CNTN4: variants seen among roughly 807,000 people sequenced by gnomAD.
The protein encoded by CNTN4 is contactin-4.
CNTN4 carries 77 observed loss-of-function variants against 122.5 expected under a neutral mutation model. The ratio of observed to expected loss-of-function variants is 0.63; its 90% CI spans 0.52 to 0.76. The LOEUF is 0.76. Among genes scored for constraint, CNTN4 ranks in the 30% least tolerant of loss-of-function variants. The probability of loss-of-function intolerance (pLI) is 0.00; values close to 1 mark genes in which losing one functional copy is unlikely to be tolerated. For synonymous variants in CNTN4, 512 were observed against 447.0 expected (o/e 1.15, Z -1.83); for missense variants, 1,256 against 1,259.1 (o/e 1.00, Z 0.04).
At chr3:2,533,224 G>T (rs1171241646) in intron 3 of CNTN4, among the ~76,000 whole-genome samples, 1 of 151,290 alleles carries the variant, frequency 6.6e-6, no homozygotes, top group Non-Finnish European at 1.5e-5. Context: ...ATGTTGGTGT[G>T]CTGCACCCAT....
rs545677211 is a variant in CNTN4 at position 2,287,576 on chromosome 3, C to T, written c.-144-51602C>T. Among the ~76,000 whole-genome samples the T allele has an allele frequency of 2.7e-5, 4 of 148,952 alleles. No individual in the cohort carries two copies. In the East Asian group the frequency reaches 8.1e-4, roughly 30 times the overall value. ...TGTGATTGTGCCACTGCACTTTAGCCTGGATGACAGAGTGAGACCCTGTCT... is the reference window on the plus strand; with the variant it reads ...TGTGATTGTGCCACTGCACTTTAGCTTGGATGACAGAGTGAGACCCTGTCT... On this transcript the variant is annotated intron_variant, in intron 2 of 24. Coordinates refer to ENST00000418658, the MANE Select transcript of CNTN4 (RefSeq NM_175607.3).
At chr3:2,877,446 CA>C (rs1326724589) in intron 8 of CNTN4, among the ~76,000 whole-genome samples, 1 of 152,176 alleles carries the variant, frequency 6.6e-6, no homozygotes, top group East Asian at 1.9e-4. Flanking sequence ...TGAATTAAGA[CA>C]TTTTTACTTT....
intron 20 of CNTN4, among the ~76,000 whole-genome samples, chr3:3,041,447 C>T (rs570086408): frequency 1.3e-5 from 2 of 152,344 alleles, no homozygotes; most frequent in South Asian, 4.1e-4. Context: ...AGTCAGCTGA[C>T]TTGACTAAGA....
At chr3:2,120,406 T>TATATATATATATATATATA (rs1491534107) in intron 2 of CNTN4, among the ~76,000 whole-genome samples, 2 of 24,556 alleles carry the variant, frequency 8.1e-5, no homozygotes, top group African/African-American at 1.3e-4. Flanking sequence ...TATATATATA[T>TATATATATATATATATATA]TTTTTTTTTT....
chr3:2,958,318 T>C (rs182283824), intron 13 of CNTN4, among the ~76,000 whole-genome samples: 12 of 152,294 alleles, frequency 7.9e-5, no homozygotes, highest in East Asian at 5.8e-4. Flanking sequence ...TAGTTTCTCA[T>C]TAGTTCTTAT....
chr3:2,556,402 C>T (rs934700752), intron 3 of CNTN4, among the ~76,000 whole-genome samples: 3 of 152,158 alleles, frequency 2.0e-5, no homozygotes, highest in African/African-American at 4.8e-5. Flanking sequence ...AGTTATTTCA[C>T]GAAGTTATCC....
At chr3:2,145,006 A>G (rs1406233409) in intron 2 of CNTN4, among the ~76,000 whole-genome samples, 1 of 152,192 alleles carries the variant, frequency 6.6e-6, no homozygotes, top group Non-Finnish European at 1.5e-5. Flanking sequence ...TGCTGATGAA[A>G]ACAATTTTGG....
At chr3:2,697,146 G>A (rs914565593) in intron 4 of CNTN4, among the ~76,000 whole-genome samples, 1 of 152,148 alleles carries the variant, frequency 6.6e-6, no homozygotes, top group African/African-American at 2.4e-5. Context: ...AATACAACAA[G>A]CTATTAAGAA....
chr3:2,396,381 G>A (rs747803707), intron 3 of CNTN4, among the ~76,000 whole-genome samples: 45 of 152,128 alleles, frequency 3.0e-4, no homozygotes, highest in Non-Finnish European at 5.4e-4. Context: ...GACCTATAAT[G>A]TCTTCTCAGA....
At chr3:2,400,407 A>ATATATATATATATATG (rs2046799614) in intron 3 of CNTN4, among the ~76,000 whole-genome samples, 1 of 56,046 alleles carries the variant, frequency 1.8e-5, no homozygotes, top group Non-Finnish European at 4.2e-5. Flanking sequence ...GTGTGTGAAT[A>ATATATATATATATATG]TATATATATA....
chr3:2,829,791 A>G (rs1037493968), intron 7 of CNTN4, among the ~76,000 whole-genome samples: 4 of 152,212 alleles, frequency 2.6e-5, no homozygotes, highest in African/African-American at 9.6e-5. Flanking sequence ...TAGTCTTTTT[A>G]TAGCTGAGCT....
At chr3:2,240,051 G>C (rs1325926866) in intron 2 of CNTN4, among the ~76,000 whole-genome samples, 2 of 152,100 alleles carry the variant, frequency 1.3e-5, no homozygotes, top group African/African-American at 4.8e-5. Flanking sequence ...TTCTGGATTT[G>C]AATAATTCAC....
chr3:2,366,595 CG>C (rs1387653442), intron 3 of CNTN4, among the ~76,000 whole-genome samples: 2 of 151,746 alleles, frequency 1.3e-5, no homozygotes, highest in South Asian at 2.1e-4. Context: ...GGCATGGTGG[CG>C]GGCGCCTGTA....
At chr3:2,303,818 C>G (rs2042609168) in intron 2 of CNTN4, among the ~76,000 whole-genome samples, 1 of 152,188 alleles carries the variant, frequency 6.6e-6, no homozygotes, top group Admixed American at 6.5e-5. Flanking sequence ...CTGAGATCCT[C>G]AGAGAGGTAT....
At chr3:2,913,062 G>A (rs1218687128) in intron 12 of CNTN4, among the ~76,000 whole-genome samples, 10 of 152,142 alleles carry the variant, frequency 6.6e-5, no homozygotes, top group Non-Finnish European at 1.3e-4. Context: ...TGAGGCAGGA[G>A]ACTCACTTAA....
intron 3 of CNTN4, among the ~76,000 whole-genome samples, chr3:2,367,164 T>C (rs77560189): frequency 6.6e-6 from 1 of 152,110 alleles, no homozygotes; most frequent in East Asian, 1.9e-4. Context: ...ACAAAATGAA[T>C]AAACTACACA....
At chr3:2,221,671 A>G (rs981741469) in intron 2 of CNTN4, among the ~76,000 whole-genome samples, 8 of 152,274 alleles carry the variant, frequency 5.3e-5, no homozygotes, top group African/African-American at 1.7e-4. Context: ...TAACTAGAAT[A>G]CATAAAATCT....
At chr3:2,341,133 A>G (rs2044196094) in intron 3 of CNTN4, among the ~76,000 whole-genome samples, 1 of 152,098 alleles carries the variant, frequency 6.6e-6, no homozygotes, top group African/African-American at 2.4e-5. Flanking sequence ...TCTCCTTGGA[A>G]TATTCTTTCT....
At chr3:2,760,629 G>A (rs778064074) in intron 6 of CNTN4, among the ~76,000 whole-genome samples, 3 of 152,170 alleles carry the variant, frequency 2.0e-5, no homozygotes, top group Non-Finnish European at 4.4e-5. Context: ...GCTGTTAATA[G>A]TACCTTAAGA....
Sources: allele counts gnomAD v4.1 joint callset (sites outside exome capture counted in the v4.1 genomes callset), GRCh38; gene constraint gnomAD v4.1.1; transcripts MANE v1.5; gene names NCBI Gene and HGNC (gene_info 2026-07-23, HGNC 2026-07-21).